Variants in SPAG5 observed in about 807,000 individuals in gnomAD.
The protein encoded by SPAG5 is sperm associated antigen 5.
Under a neutral mutation model 145.4 loss-of-function variants are expected in SPAG5, and 99 were observed. The ratio of observed to expected loss-of-function variants is 0.68; its 90% CI spans 0.58 to 0.80. The LOEUF is 0.80. Among genes scored for constraint, SPAG5 ranks in the 30% least tolerant of loss-of-function variants. The pLI is 0.00. For synonymous variants in SPAG5, 477 were observed against 525.4 expected, an observed-to-expected ratio of 0.91 and a Z score of 1.26; for missense variants, 1,192 against 1,416.0, an observed-to-expected ratio of 0.84 and a Z score of 2.54.
At chr17:28,584,992 G>T in intron 10 of SPAG5, 110 bp downstream of exon 10, 2 of 1,032,122 alleles carry the variant, frequency 1.9e-6, no homozygotes, top group Non-Finnish European at 3.0e-6. Flanking sequence ...CTTACTGGCT[G>T]GCCTCCAAAC....
In SPAG5 at chr17:28,586,206, T is replaced by C. The variant is rs775108166; in HGVS notation, c.1513-24A>G. ...TGCTGTAGAGAAAAAAATGGGTAGG[T>C]GAGATCAAATAAAGTCACTAAGCAG... On this transcript the variant is annotated intron_variant, in intron 5 of 23. Coordinates refer to ENST00000321765, the MANE Select transcript of SPAG5 (RefSeq NM_006461.4). The C allele has an allele frequency of 3.8e-6, 6 of 1,585,620 alleles. No homozygotes were observed. In the East Asian group the frequency reaches 1.3e-4, roughly 35 times the overall value.
intron 4 of SPAG5, among the ~76,000 whole-genome samples, chr17:28,587,585 C>T (rs1434814165): frequency 6.6e-6 from 1 of 151,722 alleles, no homozygotes; most frequent in African/African-American, 2.4e-5. Context: ...GGCATGGTGG[C>T]ACATGCCTAT....
chr17:28,592,597 C>A lies in SPAG5; in HGVS notation c.647G>T (p.Cys216Phe). The A allele has an allele frequency of 6.2e-7, 1 of 1,614,152 alleles. No individual in the cohort carries two copies. The highest frequency in any genetic ancestry group is 8.5e-7 in the Non-Finnish European group (1 of 1,180,026). Residue 216 changes from cysteine (C) to phenylalanine (F), a missense_variant, in exon 3 of 24, where the codon TGC (cysteine) becomes TTC (phenylalanine). Cys to Phe is a radical substitution (Grantham distance 205). Coordinates refer to ENST00000321765, the MANE Select transcript of SPAG5 (RefSeq NM_006461.4). ...TCTACTGCTCAGGCTTTCCTTGGAGCAATGTAGTTGTTCAGAACAGGGATT... is the reference window on the plus strand; with the variant it reads ...TCTACTGCTCAGGCTTTCCTTGGAGAAATGTAGTTGTTCAGAACAGGGATT... ...PPNPCSEQLH[C>F]SKESLSSRTE...
intron 4 of SPAG5, among the ~76,000 whole-genome samples, chr17:28,589,605 T>A (rs1233929766): frequency 6.6e-6 from 1 of 152,158 alleles, no homozygotes; most frequent in Non-Finnish European, 1.5e-5. Flanking sequence ...GTAATATATT[T>A]TTATGCTTTA....
chr17:28,578,096 A>C lies in SPAG5; in HGVS notation c.3430-6T>G. The C allele has an allele frequency of 1.2e-6, 2 of 1,613,936 alleles. No individual in the cohort carries two copies. Among genetic ancestry groups the C allele is most frequent in the Non-Finnish European group, 1.7e-6 (2 of 1,179,760 alleles). ...TTCTCCTCTAGGATATTTCTCTAGAAAGCAAACAGATTTTATAAGTCCTAT... is the reference window on the plus strand; with the variant it reads ...TTCTCCTCTAGGATATTTCTCTAGACAGCAAACAGATTTTATAAGTCCTAT... On this transcript the variant is annotated splice_polypyrimidine_tract_variant and splice_region_variant and intron_variant, in intron 22 of 23. Transcript: ENST00000321765.
chr17:28,592,638 T>C lies in SPAG5; in HGVS notation c.606A>G (p.Leu202=), dbSNP rs1431126382. 1 of 1,614,160 alleles carries C rather than the reference T, an allele frequency of 6.2e-7. No homozygotes were observed. Among genetic ancestry groups the C allele is most frequent in the Non-Finnish European group, 8.5e-7 (1 of 1,180,020 alleles). The change falls in exon 3 of 24, where the codon TTA becomes TTG. Residue 202 remains leucine, a synonymous_variant. Transcript: ENST00000321765. Reference sequence around the variant, plus strand: ...AACAGGGATTTGGTGGAGACTCCTCTAAGAGATGGGACGGAGATTCCTGAA... The same window carrying C: ...AACAGGGATTTGGTGGAGACTCCTCCAAGAGATGGGACGGAGATTCCTGAA... ...PIFQESPSHL[L]EESPPNPCSE... is the part of the protein sequence containing the mutation.
intron 2 of SPAG5, among the ~76,000 whole-genome samples, chr17:28,593,549 C>A (rs1037373935): frequency 1.3e-5 from 2 of 152,046 alleles, no homozygotes; most frequent in Admixed American, 6.6e-5. Flanking sequence ...CAAACCTCAT[C>A]TCTACTAAAA....
intron 4 of SPAG5, among the ~76,000 whole-genome samples, chr17:28,590,868 C>CAAAAAA (rs60727111): frequency 1.1e-4 from 4 of 37,418 alleles, no homozygotes; most frequent in Non-Finnish European, 2.0e-4. Context: ...GACTCCGTCT[C>CAAAAAA]AAAAAAAAAA....
At chr17:28,598,811 C>A in intron 1 of SPAG5, 85 bp downstream of exon 1, 1 of 1,564,570 alleles carries the variant, frequency 6.4e-7, no homozygotes, top group South Asian at 1.1e-5. Context: ...CGGGCTCGAC[C>A]CAACTTTCCA....
intron 2 of SPAG5, among the ~76,000 whole-genome samples, chr17:28,596,213 A>T (rs982620830): frequency 9.2e-5 from 14 of 152,070 alleles, no homozygotes; most frequent in South Asian, 4.1e-4. Context: ...AAAAAAAAAA[A>T]TTTTTACAAA....
rs758307725 is a variant in SPAG5, at chr17:28,579,387, T to C, written c.2983A>G (p.Ile995Val). Residue 995 changes from isoleucine to valine, a missense_variant, in exon 18 of 24, where the codon ATC becomes GTC. Transcript: ENST00000321765. ...CACATTTTTCGCTGCAGAGTCCTGA[T>C]GGCTTCTTCTTTAGACTCTTGTAGC... is the stretch of plus-strand genomic sequence containing the variant. ...SLLQESKEEA[I>V]RTLQRKICEL... is the part of the protein sequence containing the mutation. 8.7e-6 allele frequency: 14 copies of C among 1,614,110 alleles called. No homozygotes were observed. The highest frequency in any genetic ancestry group is 3.3e-5 in the South Asian group (3 of 91,092).
intron 2 of SPAG5, among the ~76,000 whole-genome samples, chr17:28,597,385 T>TC (rs2070673399): frequency 6.6e-6 from 1 of 152,198 alleles, no homozygotes; most frequent in African/African-American, 2.4e-5. Context: ...GCCACTGCAC[T>TC]CCAGCCTGGG....
chr17:28,578,570 T>C lies in SPAG5; in HGVS notation c.3199-42A>G, dbSNP rs777294562. On this transcript the variant is annotated intron_variant, in intron 20 of 23. Coordinates refer to ENST00000321765, the MANE Select transcript of SPAG5 (RefSeq NM_006461.4). ...AGAGGTGTCCAATAGGACATAAGGA[T>C]AGACAACATGTGGTGAACAAAAGCA... 4.3e-6 allele frequency: 7 copies of C among 1,609,584 alleles called. No homozygotes were observed. The African/African-American group carries it at 6.7e-5, about 15-fold the overall frequency.
chr17:28,594,732 T>G (rs565335129), intron 2 of SPAG5, among the ~76,000 whole-genome samples: 23 of 152,346 alleles, frequency 1.5e-4, no homozygotes, highest in Admixed American at 1.4e-3. Flanking sequence ...ATTAGTTACA[T>G]GGATGTGTAC....
intron 4 of SPAG5, among the ~76,000 whole-genome samples, chr17:28,589,599 T>C (rs1309361401): frequency 2.6e-5 from 4 of 152,190 alleles, no homozygotes; most frequent in Non-Finnish European, 5.9e-5. Context: ...CCTAATGTAA[T>C]ATATTTTTAT....
At chr17:28,584,927 A>T (rs2070573860) in intron 10 of SPAG5, among the ~76,000 whole-genome samples, 175 bp downstream of exon 10, 1 of 152,226 alleles carries the variant, frequency 6.6e-6, no homozygotes, top group African/African-American at 2.4e-5. Context: ...TGAAGTAAAG[A>T]TGCTGAAGGG....
At chr17:28,589,528 TTTA>T (rs1206630304) in intron 4 of SPAG5, among the ~76,000 whole-genome samples, 1 of 152,206 alleles carries the variant, frequency 6.6e-6, no homozygotes, top group Non-Finnish European at 1.5e-5. Context: ...AGTCAGAAAT[TTTA>T]TTATGTCATC....
At chr17:28,590,728 G>A (rs1351038837) in intron 4 of SPAG5, among the ~76,000 whole-genome samples, 1 of 151,942 alleles carries the variant, frequency 6.6e-6, no homozygotes, top group Non-Finnish European at 1.5e-5. Context: ...AATTAGCCGG[G>A]TGGGGTGGCA....
chr17:28,583,720 C>T (rs937629581), intron 14 of SPAG5, 71 bp from the exon 15 acceptor site: 26 of 1,550,574 alleles, frequency 1.7e-5, no homozygotes, highest in Middle Eastern at 3.5e-4. Flanking sequence ...CAAATCCCCA[C>T]AGAGCTGCAT....
Sources: allele counts gnomAD v4.1 joint callset (sites outside exome capture counted in the v4.1 genomes callset), GRCh38; gene constraint gnomAD v4.1.1; transcripts MANE v1.5; gene names NCBI Gene and HGNC (gene_info 2026-07-23, HGNC 2026-07-21).